ZNF704: variants seen among roughly 807,000 people sequenced by gnomAD.
ZNF704 encodes glucocorticoid induced gene 1.
Under a neutral mutation model 44.7 loss-of-function variants are expected in ZNF704, and 10 were observed. The observed-to-expected ratio is 0.22, with a 90% CI of 0.14 to 0.38. ZNF704 has a LOEUF of 0.38. Ranked by LOEUF, ZNF704 falls within the 10% of genes least tolerant of loss-of-function variation. ZNF704 has a pLI of 1.00. For synonymous variants in ZNF704, 211 were observed against 207.6 expected (o/e 1.02, Z -0.14); for missense variants, 390 against 545.5 (o/e 0.71, Z 2.84).
At chr8:80,659,150 G>A (rs971497846) in intron 7 of ZNF704, among the ~76,000 whole-genome samples, 2 of 152,062 alleles carry the variant, frequency 1.3e-5, no homozygotes. Flanking sequence ...GACTCTGAAA[G>A]AAAAAATGAT....
intron 2 of ZNF704, among the ~76,000 whole-genome samples, chr8:80,762,524 G>C (rs1349364182): frequency 6.6e-6 from 1 of 152,102 alleles, no homozygotes; most frequent in Non-Finnish European, 1.5e-5. Context: ...AACAGCATGG[G>C]GGAAACTGGT....
chr8:80,820,602 A>G lies in ZNF704; in HGVS notation c.221+772T>C, dbSNP rs186117299. Among the ~76,000 whole-genome samples, 381 of 152,166 alleles carry G rather than the reference A, an allele frequency of 2.5e-3. 1 individual carries two copies. The highest frequency in any genetic ancestry group is 8.6e-3 in the African/African-American group (355 of 41,498). ...TGTCGCCTATTCTTCATTTCTTTTAAGCCGTTAAAAAGGCAGGCCAGGCAC... is the reference window on the plus strand; with the variant it reads ...TGTCGCCTATTCTTCATTTCTTTTAGGCCGTTAAAAAGGCAGGCCAGGCAC... On this transcript the variant is annotated intron_variant, in intron 2 of 8. Coordinates refer to ENST00000327835, the MANE Select transcript of ZNF704 (RefSeq NM_001033723.3).
chr8:80,757,986 T>C (rs73692128), intron 2 of ZNF704, among the ~76,000 whole-genome samples: 6,270 of 152,274 alleles, frequency 0.041, 444 homozygotes, highest in African/African-American at 0.14. Flanking sequence ...ATGACTGTAA[T>C]TGAAGGGCAC....
chr8:80,823,491 G>C (rs1034263394), intron 1 of ZNF704, among the ~76,000 whole-genome samples: 2 of 152,218 alleles, frequency 1.3e-5, no homozygotes, highest in Non-Finnish European at 2.9e-5. Flanking sequence ...TCCACCTCTG[G>C]GGGTAGGGCA....
chr8:80,841,441 C>G (rs950141842), intron 1 of ZNF704, among the ~76,000 whole-genome samples: 2 of 152,134 alleles, frequency 1.3e-5, no homozygotes, highest in Non-Finnish European at 2.9e-5. Context: ...CTACCCCCAA[C>G]ACATATTTTT....
chr8:80,658,460 C>A (rs1209951000), intron 7 of ZNF704, among the ~76,000 whole-genome samples: 1 of 151,994 alleles, frequency 6.6e-6, no homozygotes, highest in African/African-American at 2.4e-5. Flanking sequence ...TTGCCAGAAG[C>A]AAAACTAATA....
At chr8:80,836,486 T>C (rs1235568567) in intron 1 of ZNF704, among the ~76,000 whole-genome samples, 1 of 152,172 alleles carries the variant, frequency 6.6e-6, no homozygotes, top group African/African-American at 2.4e-5. Flanking sequence ...AGCTACAGAA[T>C]TATCATTCTA....
intron 2 of ZNF704, among the ~76,000 whole-genome samples, chr8:80,696,421 T>G (rs1391368655): frequency 2.0e-5 from 3 of 152,196 alleles, no homozygotes; most frequent in Non-Finnish European, 4.4e-5. Flanking sequence ...TTTCAGATTT[T>G]TTTTGTTTTG....
chr8:80,769,463 G>A (rs1178437791), intron 2 of ZNF704, among the ~76,000 whole-genome samples: 1 of 152,028 alleles, frequency 6.6e-6, no homozygotes, highest in Non-Finnish European at 1.5e-5. Context: ...AGTTCCACAT[G>A]TTCTTGAATG....
chr8:80,685,327 C>T (rs1318295092), intron 4 of ZNF704, among the ~76,000 whole-genome samples: 1 of 152,008 alleles, frequency 6.6e-6, no homozygotes, highest in Non-Finnish European at 1.5e-5. Context: ...AAGGGTATGA[C>T]AGGCTTTCAT....
At position 80,852,969 on chromosome 8, in the gene ZNF704, T is replaced by TA. The variant is rs1312627414; in HGVS notation, c.-22+21601dup. On this transcript the variant is annotated intron_variant, in intron 1 of 8. Transcript: ENST00000327835. ...TCTATTTTGGCCACTCAAGCACTGTTAGGTTGCTTGCTTTGTTTTAAGGTA... is the reference window on the plus strand; with the variant it reads ...TCTATTTTGGCCACTCAAGCACTGTTAAGGTTGCTTGCTTTGTTTTAAGGTA... 3.3e-5 allele frequency among the ~76,000 whole-genome samples: 5 copies of TA among 152,330 alleles called. No homozygotes were observed. In the East Asian group the frequency reaches 7.7e-4, roughly 23 times the overall value.
chr8:80,777,354 GC>G (rs1004950799), intron 2 of ZNF704, among the ~76,000 whole-genome samples: 1 of 152,100 alleles, frequency 6.6e-6, no homozygotes, highest in African/African-American at 2.4e-5. Context: ...AGGGCTGACA[GC>G]CTTCAGTACT....
At position 80,628,612 on chromosome 8, in the gene ZNF704, C is replaced by T. The variant is rs1483490740; in HGVS notation, c.*12754G>A. The T allele has an allele frequency of 1.3e-5, 2 of 152,066 alleles. No individual in the cohort carries two copies. Among genetic ancestry groups the T allele is most frequent in the Non-Finnish European group, 2.9e-5 (2 of 68,022 alleles). 9.4% of individuals were successfully genotyped at this position (152,066 alleles called of 1,614,324 possible). ...CTGGCTCTGTTTGTGCCAGTGCAAC[C>T]CCAGGTAGAACCATCCACAAAGTAA... On this transcript the variant is annotated 3_prime_UTR_variant, in exon 9 of 9. Transcript: ENST00000327835.
chr8:80,647,063 A>G (rs1490600812), intron 7 of ZNF704, among the ~76,000 whole-genome samples: 1 of 152,228 alleles, frequency 6.6e-6, no homozygotes, highest in Admixed American at 6.5e-5. Context: ...TTTATTAAGT[A>G]CTTGCTATGT....
intron 2 of ZNF704, among the ~76,000 whole-genome samples, chr8:80,738,945 C>T (rs1334772336): frequency 6.6e-6 from 1 of 152,142 alleles, no homozygotes; most frequent in Non-Finnish European, 1.5e-5. Context: ...ACAGGGCTCA[C>T]ACCAGCATGA....
chr8:80,711,227 C>G (rs1818980819), intron 2 of ZNF704, among the ~76,000 whole-genome samples: 1 of 152,176 alleles, frequency 6.6e-6, no homozygotes, highest in South Asian at 2.1e-4. Flanking sequence ...ACATCAGAGG[C>G]TCTAGCTAAG....
At chr8:80,730,236 T>C (rs900902836) in intron 2 of ZNF704, among the ~76,000 whole-genome samples, 7 of 152,178 alleles carry the variant, frequency 4.6e-5, no homozygotes, top group African/African-American at 9.7e-5. Flanking sequence ...TCCATGACTA[T>C]ACATGAAATC....
chr8:80,808,504 G>A (rs1177631807), intron 2 of ZNF704, among the ~76,000 whole-genome samples: 1 of 152,172 alleles, frequency 6.6e-6, no homozygotes, highest in African/African-American at 2.4e-5. Flanking sequence ...TGTTTGTTAG[G>A]AATGAGTCAA....
chr8:80,704,741 C>A (rs558813603), intron 2 of ZNF704, among the ~76,000 whole-genome samples: 1 of 152,280 alleles, frequency 6.6e-6, no homozygotes, highest in Non-Finnish European at 1.5e-5. Context: ...GGGGGAGGTG[C>A]CCCCAGGAAG....
Sources: gnomAD v4.1 joint callset for allele counts (sites outside exome capture counted in the v4.1 genomes callset) on GRCh38, gnomAD v4.1.1 for gene constraint, MANE v1.5 for transcripts, NCBI Gene and HGNC (gene_info 2026-07-23, HGNC 2026-07-21) for gene names.